Variants in KCNAB1 observed in about 807,000 individuals in gnomAD.
The protein encoded by KCNAB1 is voltage-gated potassium channel subunit beta-1.
A neutral mutation model predicts 64.6 loss-of-function variants in KCNAB1; 35 were observed. The ratio of observed to expected loss-of-function variants is 0.54; its 90% CI spans 0.41 to 0.72. The LOEUF is 0.72. KCNAB1 is among the 30% of genes least tolerant of loss of function. The probability of loss-of-function intolerance (pLI) is 0.00; values close to 1 mark genes in which losing one functional copy is unlikely to be tolerated. For missense variants in KCNAB1, 401 were observed against 512.9 expected, an observed-to-expected ratio of 0.78 and a Z score of 2.11; for synonymous variants, 177 against 183.8, an observed-to-expected ratio of 0.96 and a Z score of 0.30.
chr3:156,443,401 G>A (rs574133843), intron 2 of KCNAB1, among the ~76,000 whole-genome samples: 3 of 152,268 alleles, frequency 2.0e-5, no homozygotes, highest in Admixed American at 1.3e-4. Context: ...CATAGGGGCT[G>A]TGGGGAGGTA....
chr3:156,269,747 T>G (rs1718917578), intron 1 of KCNAB1, among the ~76,000 whole-genome samples: 1 of 152,136 alleles, frequency 6.6e-6, no homozygotes, highest in Admixed American at 6.5e-5. Flanking sequence ...CTTTCTATAG[T>G]TTTTGTCTTG....
Position 156,537,835 on chromosome 3 carries a change from A to G in KCNAB1, c.*1088A>G, listed in dbSNP as rs1719161174. 1 of 152,554 alleles carries G rather than the reference A, an allele frequency of 6.6e-6. No homozygotes were observed. Among genetic ancestry groups the G allele is most frequent in the African/African-American group, 2.4e-5 (1 of 41,456 alleles). 9.5% of individuals were successfully genotyped at this position (152,554 alleles called of 1,614,324 possible). On this transcript the variant is annotated 3_prime_UTR_variant, in exon 14 of 14. Coordinates refer to ENST00000490337, the MANE Select transcript of KCNAB1 (RefSeq NM_172160.3). ...TTGGTATTTTTGAGGCATTGTTAACATGAAAGTCAACCACTGGCTTTGTGA... is the reference window on the plus strand; with the variant it reads ...TTGGTATTTTTGAGGCATTGTTAACGTGAAAGTCAACCACTGGCTTTGTGA...
intron 1 of KCNAB1, chr3:156,227,776 C>T (rs1456392162): frequency 1.3e-5 from 2 of 152,234 alleles, no homozygotes; most frequent in Non-Finnish European, 2.9e-5. Context: ...CGGAAACGCC[C>T]TTTTAGGGCA....
chr3:156,332,667 G>A (rs1723424478), intron 1 of KCNAB1, among the ~76,000 whole-genome samples: 1 of 152,110 alleles, frequency 6.6e-6, no homozygotes. Context: ...TTTCCCTCCA[G>A]CAATCAGAGC....
chr3:156,187,263 C>G (rs1713262502), intron 1 of KCNAB1, among the ~76,000 whole-genome samples: 1 of 152,168 alleles, frequency 6.6e-6, no homozygotes, highest in Non-Finnish European at 1.5e-5. Flanking sequence ...TCCCTTTATA[C>G]ACTCCCCATG....
intron 1 of KCNAB1, among the ~76,000 whole-genome samples, chr3:156,415,378 GAA>G (rs1422639889): frequency 6.6e-6 from 1 of 152,164 alleles, no homozygotes; most frequent in Non-Finnish European, 1.5e-5. Context: ...TATGAATGAG[GAA>G]AGAGACTTTA....
chr3:156,421,595 G>GTTGCT lies in KCNAB1; in HGVS notation c.276-17_276-13dup, dbSNP rs779565190. 91 of 1,612,992 alleles carry GTTGCT rather than the reference G, an allele frequency of 5.6e-5. 3 individuals carry two copies. In the South Asian group the frequency reaches 9.0e-4, roughly 16 times the overall value. On this transcript the variant is annotated intron_variant, in intron 1 of 13. Coordinates refer to ENST00000490337, the MANE Select transcript of KCNAB1 (RefSeq NM_172160.3). ...CCACCTGAGGAAATGATGACCAAGT[G>GTTGCT]TTGCTTTGTTTTTATTATAGGAATC...
At chr3:156,519,935 C>T (rs182195775) in intron 11 of KCNAB1, among the ~76,000 whole-genome samples, 4 of 152,312 alleles carry the variant, frequency 2.6e-5, no homozygotes, top group Admixed American at 6.5e-5. Context: ...CTGTGATCAG[C>T]TCAGGTTGTG....
chr3:156,510,562 A>G (rs148551936), intron 8 of KCNAB1, among the ~76,000 whole-genome samples: 1 of 151,776 alleles, frequency 6.6e-6, no homozygotes, highest in East Asian at 1.9e-4. Flanking sequence ...CTCCTGTCCT[A>G]TTTCTCTTCC....
intron 13 of KCNAB1, among the ~76,000 whole-genome samples, chr3:156,532,922 C>G (rs1423572991): frequency 6.6e-6 from 1 of 152,214 alleles, no homozygotes; most frequent in Non-Finnish European, 1.5e-5. Flanking sequence ...TGGCATCGTG[C>G]TAGGCAGTGG....
intron 1 of KCNAB1, among the ~76,000 whole-genome samples, chr3:156,400,735 T>G (rs1713829126): frequency 6.6e-6 from 1 of 152,220 alleles, no homozygotes; most frequent in Non-Finnish European, 1.5e-5. Context: ...AATTTACTTC[T>G]GACGTTGTCC....
intron 1 of KCNAB1, among the ~76,000 whole-genome samples, chr3:156,405,214 C>CA (rs1714169621): frequency 6.6e-6 from 1 of 152,200 alleles, no homozygotes; most frequent in African/African-American, 2.4e-5. Context: ...TCCATTTGTC[C>CA]AAACCCTGAG....
At chr3:156,276,546 C>T (rs909442001) in intron 1 of KCNAB1, among the ~76,000 whole-genome samples, 5 of 152,152 alleles carry the variant, frequency 3.3e-5, no homozygotes, top group South Asian at 2.1e-4. Context: ...ACATTGAAAA[C>T]ATGTTGTTTA....
At chr3:156,378,551 A>G (rs547412549) in intron 1 of KCNAB1, among the ~76,000 whole-genome samples, 5 of 152,132 alleles carry the variant, frequency 3.3e-5, no homozygotes, top group East Asian at 3.9e-4. Context: ...CTGAGCATCT[A>G]TGTTCAAGAA....
intron 1 of KCNAB1, among the ~76,000 whole-genome samples, chr3:156,220,200 T>C (rs186102521): frequency 2.0e-5 from 3 of 152,300 alleles, no homozygotes; most frequent in Admixed American, 1.3e-4. Context: ...GTCCATATAG[T>C]AGCATGATTT....
Position 156,333,243 on chromosome 3 carries a change from C to G in KCNAB1, c.276-88373C>G, listed in dbSNP as rs79930245. On this transcript the variant is annotated intron_variant, in intron 1 of 13. Transcript: ENST00000490337. ...TCCCCCTTTTGGCTGTCCTGAGTTCCTCTACGCTGGACTGTAACCAGTTTT... is the reference window on the plus strand; with the variant it reads ...TCCCCCTTTTGGCTGTCCTGAGTTCGTCTACGCTGGACTGTAACCAGTTTT... 7.8e-3 allele frequency among the ~76,000 whole-genome samples: 1,182 copies of G among 152,084 alleles called. 9 individuals carry two copies. The highest frequency in any genetic ancestry group is 0.027 in the African/African-American group (1,131 of 41,488).
chr3:156,438,449 C>A (rs1463089427), intron 2 of KCNAB1, among the ~76,000 whole-genome samples: 1 of 152,158 alleles, frequency 6.6e-6, no homozygotes, highest in Admixed American at 6.5e-5. Flanking sequence ...TCAGAATAAT[C>A]CATAATAAGT....
intron 1 of KCNAB1, chr3:156,291,872 G>A: frequency 6.2e-7 from 1 of 1,611,824 alleles, no homozygotes; most frequent in South Asian, 1.1e-5. Flanking sequence ...TGTGTTCTGG[G>A]GTTCTGAGAG....
chr3:156,481,926 G>C (rs970478904), intron 8 of KCNAB1, among the ~76,000 whole-genome samples: 3 of 152,106 alleles, frequency 2.0e-5, no homozygotes, highest in Non-Finnish European at 4.4e-5. Context: ...TTTCTAGAAT[G>C]CCCTAGGTAA....
Sources: gnomAD v4.1 joint callset for allele counts (sites outside exome capture counted in the v4.1 genomes callset) on GRCh38, gnomAD v4.1.1 for gene constraint, MANE v1.5 for transcripts, NCBI Gene and HGNC (gene_info 2026-07-23, HGNC 2026-07-21) for gene names.